DLG2: variants seen among roughly 807,000 people sequenced by gnomAD.
The protein encoded by DLG2 is discs large MAGUK scaffold protein 2, also known as disks large homolog 2.
DLG2 carries 45 observed loss-of-function variants against 132.5 expected under a neutral mutation model. The ratio of observed to expected loss-of-function variants is 0.34; its 90% CI spans 0.27 to 0.44. The LOEUF is 0.44. DLG2 is among the 20% of genes least tolerant of loss of function. The probability of loss-of-function intolerance (pLI) is 1.00; values close to 1 mark genes in which losing one functional copy is unlikely to be tolerated. For synonymous variants in DLG2, 424 were observed against 419.6 expected, an observed-to-expected ratio of 1.01 and a Z score of -0.13; for missense variants, 1,045 against 1,196.9, an observed-to-expected ratio of 0.87 and a Z score of 1.87.
chr11:84,544,825 G>A (rs945512718), intron 6 of DLG2, among the ~76,000 whole-genome samples: 7 of 152,068 alleles, frequency 4.6e-5, no homozygotes, highest in South Asian at 2.1e-4. Flanking sequence ...CAGATTTGTC[G>A]TAACAACAAC....
chr11:84,014,836 C>CT (rs35189558), intron 11 of DLG2, among the ~76,000 whole-genome samples: 18,026 of 147,028 alleles, frequency 0.12, 1,416 homozygotes, highest in East Asian at 0.23. Flanking sequence ...CTGATACAGA[C>CT]TTTTTTTTTT....
intron 6 of DLG2, among the ~76,000 whole-genome samples, chr11:84,639,558 G>A (rs1202487091): frequency 1.3e-5 from 2 of 152,052 alleles, no homozygotes; most frequent in African/African-American, 2.4e-5. Context: ...TTTACTTCCA[G>A]GGCATTGGTG....
intron 5 of DLG2, among the ~76,000 whole-genome samples, chr11:85,127,344 C>A (rs1180666319): frequency 6.9e-6 from 1 of 144,172 alleles, no homozygotes; most frequent in African/African-American, 2.5e-5. Context: ...TTTCATTCTG[C>A]AAATCAGCTT....
chr11:84,293,182 T>C (rs1264259259), intron 7 of DLG2, among the ~76,000 whole-genome samples: 3 of 151,936 alleles, frequency 2.0e-5, no homozygotes, highest in African/African-American at 7.3e-5. Context: ...GTGTTGGAAG[T>C]ATTCTGGCAG....
chr11:83,517,587 G>T (rs2095340975), intron 21 of DLG2, among the ~76,000 whole-genome samples: 1 of 152,206 alleles, frequency 6.6e-6, no homozygotes, highest in African/African-American at 2.4e-5. Flanking sequence ...TTTGGAGGAG[G>T]AGAGGTGATC....
Position 84,911,016 on chromosome 11 carries a change from G to A in DLG2, c.357+200645C>T, listed in dbSNP as rs528344598. Among the ~76,000 whole-genome samples the A allele has an allele frequency of 3.9e-5, 6 of 152,196 alleles. No individual in the cohort carries two copies. The South Asian group carries it at 1.2e-3, about 32-fold the overall frequency. ...CAATTATTATGTAGAGGAAAGGAAA[G>A]GTAAATATTTTTCTGTACTGAAGTG... On this transcript the variant is annotated intron_variant, in intron 6 of 27. Transcript: ENST00000376104.
chr11:85,411,852 A>G (rs1597083831), intron 3 of DLG2, among the ~76,000 whole-genome samples: 1 of 151,910 alleles, frequency 6.6e-6, no homozygotes, highest in East Asian at 1.9e-4. Flanking sequence ...TTGCTTATTC[A>G]TACTATCACA....
chr11:84,413,010 C>T (rs2098915085), intron 7 of DLG2, among the ~76,000 whole-genome samples: 1 of 152,192 alleles, frequency 6.6e-6, no homozygotes, highest in Non-Finnish European at 1.5e-5. Context: ...TGCATGCCTT[C>T]TGGTACAGAC....
At chr11:83,687,390 C>T (rs187008095) in intron 18 of DLG2, among the ~76,000 whole-genome samples, 84 of 152,222 alleles carry the variant, frequency 5.5e-4, no homozygotes, top group Non-Finnish European at 9.7e-4. Flanking sequence ...AAATCTGTAC[C>T]GCTTCAAAGT....
At chr11:83,894,450 A>C (rs886085971) in intron 15 of DLG2, among the ~76,000 whole-genome samples, 2 of 152,164 alleles carry the variant, frequency 1.3e-5, no homozygotes, top group African/African-American at 4.8e-5. Flanking sequence ...AGGAAACAAA[A>C]ATTTTTTAAA....
chr11:84,419,144 A>C (rs2098939891), intron 7 of DLG2, among the ~76,000 whole-genome samples: 1 of 151,342 alleles, frequency 6.6e-6, no homozygotes, highest in Admixed American at 6.6e-5. Flanking sequence ...GGGAGAAAAA[A>C]GAGGGGAGGA....
At chr11:84,326,491 TTAAGAG>T (rs1474395489) in intron 7 of DLG2, among the ~76,000 whole-genome samples, 3 of 152,206 alleles carry the variant, frequency 2.0e-5, no homozygotes, top group Admixed American at 2.0e-4. Flanking sequence ...GACCTATTGG[TTAAGAG>T]TGAGTTGTTT....
At chr11:83,775,840 C>T (rs1347425214) in intron 18 of DLG2, among the ~76,000 whole-genome samples, 1 of 152,032 alleles carries the variant, frequency 6.6e-6, no homozygotes, top group Non-Finnish European at 1.5e-5. Flanking sequence ...CGCCTGTAAT[C>T]CCAGCACCTT....
intron 19 of DLG2, among the ~76,000 whole-genome samples, chr11:83,560,122 T>C (rs2096586361): frequency 1.3e-5 from 2 of 151,962 alleles, no homozygotes; most frequent in Admixed American, 6.6e-5. Flanking sequence ...ACTTTGCTTT[T>C]TTTTTTTTTC....
At chr11:84,589,634 T>C (rs1200450172) in intron 6 of DLG2, among the ~76,000 whole-genome samples, 1 of 152,210 alleles carries the variant, frequency 6.6e-6, no homozygotes, top group Non-Finnish European at 1.5e-5. Flanking sequence ...TCTTGAGTCT[T>C]ATCAATTACA....
intron 7 of DLG2, among the ~76,000 whole-genome samples, chr11:84,301,395 C>A (rs1012136405): frequency 6.6e-6 from 1 of 152,024 alleles, no homozygotes; most frequent in African/African-American, 2.4e-5. Context: ...CGGTGGCTCA[C>A]GCCTGTAATC....
chr11:84,680,931 TA>T (rs1350316003), intron 6 of DLG2, among the ~76,000 whole-genome samples: 1 of 152,178 alleles, frequency 6.6e-6, no homozygotes, highest in Non-Finnish European at 1.5e-5. Context: ...TTTGGATATA[TA>T]ACAGTATTTC....
intron 6 of DLG2, among the ~76,000 whole-genome samples, chr11:84,766,384 G>A (rs887886855): frequency 2.6e-5 from 4 of 151,966 alleles, no homozygotes; most frequent in African/African-American, 9.7e-5. Flanking sequence ...CATGAGTACA[G>A]TGACCATGTC....
intron 3 of DLG2, among the ~76,000 whole-genome samples, chr11:85,315,140 T>C (rs926908417): frequency 6.6e-6 from 1 of 151,894 alleles, no homozygotes; most frequent in Non-Finnish European, 1.5e-5. Context: ...AAAAGATAGT[T>C]AAGGAATTAA....
Sources: allele counts gnomAD v4.1 joint callset (sites outside exome capture counted in the v4.1 genomes callset), GRCh38; gene constraint gnomAD v4.1.1; transcripts MANE v1.5; gene names NCBI Gene and HGNC (gene_info 2026-07-23, HGNC 2026-07-21).